Variants in DNM3 observed in about 807,000 individuals in gnomAD.
DNM3 encodes the protein dynamin-3.
In DNM3, 47 loss-of-function variants were observed where a neutral mutation model predicts 101.6. The ratio of observed to expected loss-of-function variants is 0.46; its 90% CI spans 0.37 to 0.59. The LOEUF (loss-of-function observed/expected upper bound fraction) is 0.59, where lower values mean the gene tolerates loss of function less well. DNM3 is among the 20% of genes least tolerant of loss of function. DNM3 has a pLI of 0.00. For synonymous variants in DNM3, 385 were observed against 387.9 expected, an observed-to-expected ratio of 0.99 and a Z score of 0.09; for missense variants, 849 against 1,085.7, an observed-to-expected ratio of 0.78 and a Z score of 3.06.
At chr1:172,073,443 GTATACATAATTTTATACA>G (rs1212495626) in intron 11 of DNM3, among the ~76,000 whole-genome samples, 29 of 151,868 alleles carry the variant, frequency 1.9e-4, no homozygotes, top group South Asian at 6.2e-4. Flanking sequence ...ATAATTTTAC[GTATACATAATTTTATACA>G]TATACATAAT....
At chr1:172,156,130 G>A (rs2148260438) in intron 14 of DNM3, among the ~76,000 whole-genome samples, 1 of 152,218 alleles carries the variant, frequency 6.6e-6, no homozygotes, top group Non-Finnish European at 1.5e-5. Flanking sequence ...AGTGTCCAGT[G>A]TATATTAAGC....
intron 4 of DNM3, among the ~76,000 whole-genome samples, chr1:172,015,640 A>C (rs1204019246): frequency 2.0e-5 from 3 of 152,092 alleles, no homozygotes. Flanking sequence ...ACTCTCTATA[A>C]TTGCTTATTA....
intron 1 of DNM3, among the ~76,000 whole-genome samples, chr1:171,842,836 A>C (rs1018482668): frequency 1.3e-5 from 2 of 152,260 alleles, no homozygotes; most frequent in African/African-American, 4.8e-5. Flanking sequence ...AGTTACCTTA[A>C]TGGCCTTGCC....
At chr1:172,323,215 C>CTCA (rs10693032) in intron 16 of DNM3, 114 bp from the exon 17 acceptor site, 253,697 of 1,127,698 alleles carry the variant, frequency 0.22, 33,082 homozygotes, top group African/African-American at 0.55. Context: ...CAAGAAAAAC[C>CTCA]TCATTTTATT....
At chr1:172,108,223 T>C (rs547983414) in intron 13 of DNM3, among the ~76,000 whole-genome samples, 1 of 152,312 alleles carries the variant, frequency 6.6e-6, no homozygotes, top group African/African-American at 2.4e-5. Flanking sequence ...AGATTTATCA[T>C]ATAGTAGCTC....
chr1:171,989,054 G>A lies in DNM3; in HGVS notation c.495G>A (p.Thr165=). The change falls in exon 4 of 21, where the codon ACG becomes ACA. Residue 165 remains threonine, a synonymous_variant. Coordinates refer to ENST00000627582, the MANE Select transcript of DNM3 (RefSeq NM_015569.5). ...GAGAAATGATTATGCAGTTCATCAC[G>A]AGGGAGAACTGTCTGATTTTAGCTG... The part of the protein sequence containing the change: ...QIREMIMQFI[T]RENCLILAVT... The A allele has an allele frequency of 1.9e-6, 3 of 1,612,784 alleles. No homozygotes were observed. The highest frequency in any genetic ancestry group is 2.5e-6 in the Non-Finnish European group (3 of 1,179,360).
chr1:172,201,276 C>T (rs936833446), intron 14 of DNM3, among the ~76,000 whole-genome samples: 18 of 152,114 alleles, frequency 1.2e-4, no homozygotes, highest in African/African-American at 4.1e-4. Flanking sequence ...TCTCTCAATG[C>T]TCTGAAAGTG....
intron 17 of DNM3, among the ~76,000 whole-genome samples, chr1:172,347,733 G>A (rs1278122634): frequency 6.6e-6 from 1 of 152,152 alleles, no homozygotes; most frequent in Non-Finnish European, 1.5e-5. Context: ...GGAAATAGTA[G>A]AATGGGGAAA....
At chr1:172,414,033 T>C (rs2071341831), downstream of DNM3, among the ~76,000 whole-genome samples, 1 of 152,250 alleles carries the variant, frequency 6.6e-6, no homozygotes, top group Non-Finnish European at 1.5e-5. Context: ...TTGTAACTAT[T>C]TGGCAATTTT....
chr1:172,024,712 C>T (rs1210443360), intron 4 of DNM3, among the ~76,000 whole-genome samples: 3 of 151,688 alleles, frequency 2.0e-5, no homozygotes, highest in African/African-American at 7.3e-5. Flanking sequence ...GGGAAACTCC[C>T]TGCCCTAGCA....
rs2045448561 is a variant in DNM3 at position 171,988,828 on chromosome 1, G to A, written c.386-117G>A. 5.0e-6 allele frequency: 4 copies of A among 800,210 alleles called. No homozygotes were observed. The South Asian group carries it at 8.5e-5, about 17-fold the overall frequency. The allele number at this position is 800,210 out of a possible 1,614,324, so 49.6% of individuals were successfully genotyped here. ...TTTATGCTCTTTATTCTACACACAT[G>A]GGTTGGAGTTGTTCAGATACACAAA... On this transcript the variant is annotated intron_variant, in intron 3 of 20. Coordinates refer to ENST00000627582, the MANE Select transcript of DNM3 (RefSeq NM_015569.5).
At chr1:171,871,150 T>C (rs904370335) in intron 1 of DNM3, among the ~76,000 whole-genome samples, 3 of 152,178 alleles carry the variant, frequency 2.0e-5, no homozygotes, top group Admixed American at 6.5e-5. Context: ...AAGGGATCAG[T>C]ACATGTTGTC....
Position 171,988,855 on chromosome 1 carries a change from T to TA in DNM3, c.386-89dup, listed in dbSNP as rs1429873254. On this transcript the variant is annotated intron_variant, in intron 3 of 20. Coordinates refer to ENST00000627582, the MANE Select transcript of DNM3 (RefSeq NM_015569.5). Reference sequence around the variant, plus strand: ...GTTGGAGTTGTTCAGATACACAAAGTAGAAGGCTGAGCTAAGTGACAAATG... The same window carrying TA: ...GTTGGAGTTGTTCAGATACACAAAGTAAGAAGGCTGAGCTAAGTGACAAATG... The TA allele has an allele frequency of 4.2e-6, 5 of 1,179,766 alleles. No homozygotes were observed. The African/African-American group carries it at 7.7e-5, about 18-fold the overall frequency. 73.1% of individuals were successfully genotyped at this position (1,179,766 alleles called of 1,614,324 possible).
rs563640303 is a variant in DNM3 at position 172,317,723 on chromosome 1, G to T, written c.1882-5606G>T. On this transcript the variant is annotated intron_variant, in intron 16 of 20. Transcript: ENST00000627582. ...GAATCTCTGAATAGACCAGTAACAG[G>T]CTCTGAAATTGTGGCAATAATCAAT... Among the ~76,000 whole-genome samples, 421 of 152,284 alleles carry T rather than the reference G, an allele frequency of 2.8e-3. 1 individual carries two copies. Among genetic ancestry groups the T allele is most frequent in the African/African-American group, 9.5e-3 (395 of 41,548 alleles).
chr1:172,407,486 G>T (rs956411389), intron 20 of DNM3, among the ~76,000 whole-genome samples: 2 of 151,968 alleles, frequency 1.3e-5, no homozygotes, highest in East Asian at 3.8e-4. Context: ...TAAGATATGT[G>T]CAGTACGTTT....
intron 4 of DNM3, among the ~76,000 whole-genome samples, chr1:172,005,741 A>G (rs1252973963): frequency 6.6e-6 from 1 of 152,148 alleles, no homozygotes; most frequent in Non-Finnish European, 1.5e-5. Flanking sequence ...AGGTCTGTAT[A>G]ATGAAAATCA....
intron 20 of DNM3, among the ~76,000 whole-genome samples, chr1:172,397,429 A>G (rs1022824431): frequency 4.6e-5 from 7 of 152,174 alleles, no homozygotes; most frequent in African/African-American, 1.7e-4. Flanking sequence ...TAGCTCTAAC[A>G]ATAGTACCAC....
chr1:171,966,248 A>C (rs1377472572), intron 2 of DNM3, among the ~76,000 whole-genome samples: 1 of 151,924 alleles, frequency 6.6e-6, no homozygotes, highest in Non-Finnish European at 1.5e-5. Flanking sequence ...TGCCCAGTCT[A>C]CTCCCACAGG....
chr1:172,241,496 G>A (rs893711310), intron 14 of DNM3, among the ~76,000 whole-genome samples: 3 of 151,978 alleles, frequency 2.0e-5, no homozygotes, highest in African/African-American at 7.2e-5. Context: ...TATTTTCAAT[G>A]TTCTTAATTG....
Sources: gnomAD v4.1 joint callset for allele counts (sites outside exome capture counted in the v4.1 genomes callset) on GRCh38, gnomAD v4.1.1 for gene constraint, MANE v1.5 for transcripts, NCBI Gene and HGNC (gene_info 2026-07-23, HGNC 2026-07-21) for gene names.